The following ZC3HAV1 variants were observed in gnomAD, a reference collection of about 807,000 sequenced individuals.
ZC3HAV1 encodes the protein zinc finger CCCH-type antiviral protein 1.
A neutral mutation model predicts 86.6 loss-of-function variants in ZC3HAV1; 41 were observed. That is an observed-to-expected ratio of 0.47 (90% CI 0.37 to 0.61). ZC3HAV1 has a LOEUF of 0.61. Ranked by LOEUF, ZC3HAV1 falls within the 20% of genes least tolerant of loss-of-function variation. The probability of loss-of-function intolerance (pLI) is 0.00; values close to 1 mark genes in which losing one functional copy is unlikely to be tolerated. For missense variants in ZC3HAV1, 964 were observed against 1,141.1 expected (o/e 0.84, Z 2.24); for synonymous variants, 421 against 432.1 (o/e 0.97, Z 0.32).
At chr7:139,058,548 G>T (rs1816356229) in intron 9 of ZC3HAV1, among the ~76,000 whole-genome samples, 1 of 151,978 alleles carries the variant, frequency 6.6e-6, no homozygotes, top group African/African-American at 2.4e-5. Context: ...GGAAGGTTGT[G>T]CTAGAGACAT....
At chr7:139,086,500 C>G (rs965074148) in intron 2 of ZC3HAV1, among the ~76,000 whole-genome samples, 6 of 148,086 alleles carry the variant, frequency 4.1e-5, no homozygotes, top group Non-Finnish European at 3.0e-5. Flanking sequence ...AGTATGATGA[C>G]AACATTTTCC....
chr7:139,079,839 C>G lies in ZC3HAV1; in HGVS notation c.1102G>C (p.Asp368His). 3 of 1,614,128 alleles carry G rather than the reference C, an allele frequency of 1.9e-6. No homozygotes were observed. Among genetic ancestry groups the G allele is most frequent in the Non-Finnish European group, 2.5e-6 (3 of 1,180,042 alleles). The change falls in exon 4 of 13, where the codon GAC becomes CAC. Residue 368 changes from aspartate (D) to histidine (H), a missense_variant. Physicochemically the swap from Asp to His is moderately conservative, Grantham distance 81. Coordinates refer to ENST00000242351, the MANE Select transcript of ZC3HAV1 (RefSeq NM_020119.4). ...NWKSLTSWTN[D>H]QGARRKTVFS... ...ACAGTCTTTCTCCTGGCGCCTTGGT[C>G]ATTCGTCCAGGATGTGAGGCTCTTC...
chr7:139,078,966 A>G lies in ZC3HAV1; in HGVS notation c.1472-313T>C, dbSNP rs1007839273. ...CCTGTCTTCACTAGTCAATCTCCTC[A>G]CCAGACCACCCCATAACCAAAACCC... On this transcript the variant is annotated intron_variant, in intron 4 of 12. Transcript: ENST00000242351. The G allele has an allele frequency of 5.5e-5, 69 of 1,251,020 alleles. No individual in the cohort carries two copies. In the South Asian group the frequency reaches 1.0e-3, roughly 18 times the overall value. The allele number at this position is 1,251,020 out of a possible 1,614,324, so 77.5% of individuals were successfully genotyped here.
intron 8 of ZC3HAV1, among the ~76,000 whole-genome samples, chr7:139,062,592 T>C (rs1275261048): frequency 6.6e-6 from 1 of 152,226 alleles, no homozygotes; most frequent in Non-Finnish European, 1.5e-5. Flanking sequence ...TACTTGACCA[T>C]TGTCTCTCAC....
chr7:139,083,630 G>A, intron 3 of ZC3HAV1, 150 bp downstream of exon 3: 1 of 1,095,732 alleles, frequency 9.1e-7, no homozygotes, highest in Non-Finnish European at 1.3e-6. Context: ...GGGAGGCTGA[G>A]GCAGGAGAAT....
chr7:139,104,532 A>G (rs1407380050), intron 1 of ZC3HAV1, among the ~76,000 whole-genome samples: 2 of 151,278 alleles, frequency 1.3e-5, no homozygotes, highest in Non-Finnish European at 2.9e-5. Context: ...TGGGCAACAT[A>G]GTGAAATCCC....
intron 1 of ZC3HAV1, among the ~76,000 whole-genome samples, chr7:139,101,326 C>T (rs1435169018): frequency 1.5e-3 from 224 of 147,392 alleles, no homozygotes; most frequent in African/African-American, 5.4e-3. Flanking sequence ...GTGAGCAGCC[C>T]CTCTGCTCGG....
chr7:139,095,415 C>A (rs1164383033), intron 1 of ZC3HAV1, among the ~76,000 whole-genome samples: 1 of 152,124 alleles, frequency 6.6e-6, no homozygotes, highest in Non-Finnish European at 1.5e-5. Flanking sequence ...TGGGGAGACA[C>A]AGAGGGTGGA....
intron 1 of ZC3HAV1, among the ~76,000 whole-genome samples, chr7:139,104,262 G>A: frequency 1.4e-5 from 2 of 142,160 alleles, no homozygotes; most frequent in Non-Finnish European, 3.0e-5. Context: ...CATACAAACA[G>A]GAAAGAACCC....
intron 10 of ZC3HAV1, 79 bp downstream of exon 10, chr7:139,055,126 G>C (rs749250239): frequency 1.6e-4 from 209 of 1,292,898 alleles, no homozygotes; most frequent in Non-Finnish European, 2.2e-4. Context: ...CATTCATCCA[G>C]ACAAACACAT....
intron 7 of ZC3HAV1, among the ~76,000 whole-genome samples, chr7:139,069,664 A>G (rs901482152): frequency 1.1e-4 from 16 of 152,206 alleles, no homozygotes; most frequent in African/African-American, 3.9e-4. Flanking sequence ...CCCACCATCT[A>G]TGTAGGTATG....
At chr7:139,100,895 C>G (rs1036261458) in intron 1 of ZC3HAV1, among the ~76,000 whole-genome samples, 3 of 152,082 alleles carry the variant, frequency 2.0e-5, no homozygotes, top group East Asian at 1.9e-4. Context: ...GATGCGGAGC[C>G]GAGGCTGGAC....
chr7:139,109,054 A>G lies in ZC3HAV1; in HGVS notation c.278T>C (p.Leu93Pro). 6.3e-7 allele frequency: 1 copy of G among 1,583,168 alleles called. No homozygotes were observed. The highest frequency in any genetic ancestry group is 1.1e-5 in the South Asian group (1 of 87,594). The change falls in exon 1 of 13, where the codon CTG (leucine) becomes CCG (proline). Residue 93 changes from leucine (L) to proline (P), a missense_variant. Leu to Pro is a moderately conservative substitution (Grantham distance 98, BLOSUM62 -3). Transcript: ENST00000242351. ...GGACTGCGAATAGTTGCACCGGCCC[A>G]GCAAGTTGAGTTTGCAGAGATGCAG... Reference protein sequence around the residue: ...DNLHLCKLNLLGRCNYSQSER... With the variant: ...DNLHLCKLNLPGRCNYSQSER...
intron 2 of ZC3HAV1, among the ~76,000 whole-genome samples, chr7:139,088,048 A>AG (rs1286641513): frequency 3.3e-5 from 5 of 150,854 alleles, no homozygotes; most frequent in Admixed American, 1.3e-4. Context: ...AAAAAAAAAA[A>AG]AAAAAAAGAA....
chr7:139,098,112 A>AT (rs902712122), intron 1 of ZC3HAV1, among the ~76,000 whole-genome samples: 5 of 151,174 alleles, frequency 3.3e-5, no homozygotes, highest in South Asian at 2.1e-4. Context: ...GCCCAGCTAA[A>AT]TTTTTTTTTG....
rs924628815 is a variant in ZC3HAV1, at chr7:139,067,792, C to T, written c.1873-2793G>A. Among the ~76,000 whole-genome samples, 9 of 152,102 alleles carry T rather than the reference C, an allele frequency of 5.9e-5. 1 individual carries two copies. The highest frequency in any genetic ancestry group is 3.4e-3 in the Middle Eastern group (1 of 294). ...GTTTTACGTGGCACAGGAGCCTTCA[C>T]GAGAAAGTGAAGACCTAAAGCTGCA... On this transcript the variant is annotated intron_variant, in intron 7 of 12. Transcript: ENST00000242351.
chr7:139,102,566 T>C (rs1393083814), intron 1 of ZC3HAV1, among the ~76,000 whole-genome samples: 1 of 152,164 alleles, frequency 6.6e-6, no homozygotes, highest in African/African-American at 2.4e-5. Flanking sequence ...AAATGGAGGC[T>C]TGGATACAAA....
intron 12 of ZC3HAV1, among the ~76,000 whole-genome samples, chr7:139,052,880 G>A (rs1292068761): frequency 1.3e-5 from 2 of 150,918 alleles, no homozygotes; most frequent in African/African-American, 4.9e-5. Flanking sequence ...AGTGAGCCGA[G>A]ATTGTCACCC....
At chr7:139,103,702 G>T (rs1404984503) in intron 1 of ZC3HAV1, among the ~76,000 whole-genome samples, 1 of 152,070 alleles carries the variant, frequency 6.6e-6, no homozygotes, top group African/African-American at 2.4e-5. Context: ...AGCACGATTT[G>T]GTATAACAAA....
Sources: allele counts gnomAD v4.1 joint callset (sites outside exome capture counted in the v4.1 genomes callset), GRCh38; gene constraint gnomAD v4.1.1; transcripts MANE v1.5; gene names NCBI Gene and HGNC (gene_info 2026-07-23, HGNC 2026-07-21).